TMEM163: variants seen among roughly 807,000 people sequenced by gnomAD.
TMEM163 encodes transmembrane protein 163.
In TMEM163, 17 loss-of-function variants were observed where a neutral mutation model predicts 29.3. The observed-to-expected ratio is 0.58, with a 90% CI of 0.40 to 0.87. The LOEUF (loss-of-function observed/expected upper bound fraction) is 0.87, where lower values mean the gene tolerates loss of function less well. TMEM163 is among the 40% of genes least tolerant of loss of function. The probability of loss-of-function intolerance (pLI) is 0.00; values close to 1 mark genes in which losing one functional copy is unlikely to be tolerated. For synonymous variants in TMEM163, 157 were observed against 160.6 expected, an observed-to-expected ratio of 0.98 and a Z score of 0.17; for missense variants, 303 against 381.5, an observed-to-expected ratio of 0.79 and a Z score of 1.71.
Position 134,676,193 on chromosome 2 carries a change from T to C in TMEM163, c.322+37007A>G, listed in dbSNP as rs935862055. On this transcript the variant is annotated intron_variant, in intron 2 of 7. Coordinates refer to ENST00000281924, the MANE Select transcript of TMEM163 (RefSeq NM_030923.5). ...TAAATACACTCTCCCCATTGCCAAT[T>C]TCAAGCTACCAACTTGACGTCAATT... 3.3e-5 allele frequency among the ~76,000 whole-genome samples: 5 copies of C among 152,164 alleles called. No homozygotes were observed. The East Asian group carries it at 7.7e-4, about 23-fold the overall frequency.
At chr2:134,514,082 C>A (rs1314906763) in intron 4 of TMEM163, among the ~76,000 whole-genome samples, 5 of 152,178 alleles carry the variant, frequency 3.3e-5, no homozygotes, top group African/African-American at 1.2e-4. Flanking sequence ...AAGCCATAGG[C>A]TTGCTGAGGT....
At chr2:134,676,738 C>T (rs558788108) in intron 2 of TMEM163, among the ~76,000 whole-genome samples, 1 of 152,300 alleles carries the variant, frequency 6.6e-6, no homozygotes, top group African/African-American at 2.4e-5. Flanking sequence ...TTTACCTATT[C>T]TGGATATTTC....
intron 4 of TMEM163, among the ~76,000 whole-genome samples, chr2:134,527,444 T>C (rs1680319968): frequency 6.6e-6 from 1 of 152,144 alleles, no homozygotes. Flanking sequence ...CCTTAACATG[T>C]GCAAAAGACA....
At chr2:134,522,516 T>A (rs543354640) in intron 4 of TMEM163, among the ~76,000 whole-genome samples, 111 of 152,330 alleles carry the variant, frequency 7.3e-4, no homozygotes, top group African/African-American at 2.6e-3. Flanking sequence ...ATGGACTGGA[T>A]AATTTGCTCC....
intron 2 of TMEM163, among the ~76,000 whole-genome samples, chr2:134,623,006 G>T (rs1339501011): frequency 6.6e-6 from 1 of 151,356 alleles, no homozygotes; most frequent in East Asian, 1.9e-4. Context: ...GGAAAAAAGA[G>T]GAGGGCAAAA....
At chr2:134,585,675 G>A (rs1156703034) in intron 2 of TMEM163, among the ~76,000 whole-genome samples, 2 of 151,592 alleles carry the variant, frequency 1.3e-5, no homozygotes, top group Admixed American at 6.6e-5. Context: ...CCGGGAGGCG[G>A]AGCTTGCAGT....
intron 4 of TMEM163, among the ~76,000 whole-genome samples, chr2:134,524,524 C>G (rs1325467097): frequency 6.7e-6 from 1 of 149,812 alleles, no homozygotes; most frequent in Non-Finnish European, 1.5e-5. Flanking sequence ...ATGCCCTCCC[C>G]CTTTCACCCC....
chr2:134,696,051 CAA>C (rs60333876), intron 2 of TMEM163, among the ~76,000 whole-genome samples: 13,813 of 78,934 alleles, frequency 0.17, 1,138 homozygotes, highest in African/African-American at 0.35. Flanking sequence ...GACACCGTCT[CAA>C]AAAAAAAAAA....
At chr2:134,658,611 T>A (rs765212567) in intron 2 of TMEM163, among the ~76,000 whole-genome samples, 34 of 151,794 alleles carry the variant, frequency 2.2e-4, no homozygotes, top group African/African-American at 3.1e-4. Flanking sequence ...ATATATATAT[T>A]TTTTGAGACC....
At chr2:134,536,651 T>C (rs1457821095) in intron 4 of TMEM163, among the ~76,000 whole-genome samples, 1 of 152,066 alleles carries the variant, frequency 6.6e-6, no homozygotes, top group African/African-American at 2.4e-5. Context: ...TCTCATAGGA[T>C]TGTTCTAAGG....
At chr2:134,477,334 T>A (rs372684101) in intron 5 of TMEM163, among the ~76,000 whole-genome samples, 24 of 152,204 alleles carry the variant, frequency 1.6e-4, no homozygotes, top group East Asian at 1.5e-3. Flanking sequence ...TGTACCATAG[T>A]GCGATCTGTT....
intron 2 of TMEM163, among the ~76,000 whole-genome samples, chr2:134,698,938 A>G (rs1173954145): frequency 1.3e-5 from 2 of 152,210 alleles, no homozygotes; most frequent in African/African-American, 4.8e-5. Context: ...TATTGGATGC[A>G]TGGCTCCACA....
intron 2 of TMEM163, among the ~76,000 whole-genome samples, chr2:134,599,352 C>T (rs1171938844): frequency 6.6e-6 from 1 of 152,124 alleles, no homozygotes; most frequent in Non-Finnish European, 1.5e-5. Context: ...ATCCTGACCC[C>T]CAAGGCTATA....
At chr2:134,711,846 C>T (rs1340596667) in intron 2 of TMEM163, among the ~76,000 whole-genome samples, 1 of 152,206 alleles carries the variant, frequency 6.6e-6, no homozygotes, top group Non-Finnish European at 1.5e-5. Context: ...CACATGGACA[C>T]GTCTGAGTTA....
intron 2 of TMEM163, among the ~76,000 whole-genome samples, chr2:134,678,708 C>T (rs1684170713): frequency 6.6e-6 from 1 of 152,164 alleles, no homozygotes; most frequent in South Asian, 2.1e-4. Flanking sequence ...CTGCAAGTAC[C>T]AAAAGCAATA....
At chr2:134,643,236 T>C (rs1558975194) in intron 2 of TMEM163, among the ~76,000 whole-genome samples, 1 of 152,110 alleles carries the variant, frequency 6.6e-6, no homozygotes, top group South Asian at 2.1e-4. Context: ...TCTTTCAATT[T>C]AGATGAAATT....
In TMEM163 at chr2:134,456,550, ATGGGGGCAAGGTAGATCCACCTGGC is replaced by A; in HGVS notation, c.*141_*165del. On this transcript the variant is annotated 3_prime_UTR_variant, in exon 8 of 8. Transcript: ENST00000281924. Reference sequence around the variant, plus strand: ...ACATGTTTGATGGGGGCGGCAGGTGATGGGGGCAAGGTAGATCCACCTGGCTGGGCAGACCTTGTCTTGTAATGAC... The same window carrying A: ...ACATGTTTGATGGGGGCGGCAGGTGATGGGCAGACCTTGTCTTGTAATGAC... 4.1e-6 allele frequency: 3 copies of A among 739,934 alleles called. No individual in the cohort carries two copies. Among genetic ancestry groups the A allele is most frequent in the Non-Finnish European group, 6.8e-6 (3 of 439,324 alleles). 45.8% of individuals were successfully genotyped at this position (739,934 alleles called of 1,614,324 possible).
At chr2:134,619,234 C>T (rs1421249701) in intron 2 of TMEM163, among the ~76,000 whole-genome samples, 2 of 152,038 alleles carry the variant, frequency 1.3e-5, no homozygotes, top group African/African-American at 4.8e-5. Flanking sequence ...AAGTAGAAGA[C>T]GAAGGAGCAC....
At chr2:134,553,502 G>A (rs949156411) in intron 2 of TMEM163, among the ~76,000 whole-genome samples, 2 of 152,200 alleles carry the variant, frequency 1.3e-5, no homozygotes, top group Admixed American at 6.5e-5. Flanking sequence ...ATCGGCCACC[G>A]TTTGCCATAA....
Sources: gnomAD v4.1 joint callset for allele counts (sites outside exome capture counted in the v4.1 genomes callset) on GRCh38, gnomAD v4.1.1 for gene constraint, MANE v1.5 for transcripts, NCBI Gene and HGNC (gene_info 2026-07-23, HGNC 2026-07-21) for gene names.